Variants in TMEM182 observed in about 807,000 individuals in gnomAD.
TMEM182 encodes the protein transmembrane protein 182.
TMEM182 carries 20 observed loss-of-function variants against 26.8 expected under a neutral mutation model. The observed-to-expected ratio is 0.75, with a 90% CI of 0.53 to 1.09. The LOEUF (loss-of-function observed/expected upper bound fraction) is 1.09. TMEM182 is among the 50% of genes least tolerant of loss of function. TMEM182 has a pLI of 0.00. For synonymous variants in TMEM182, 109 were observed against 102.2 expected, an observed-to-expected ratio of 1.07 and a Z score of -0.40; for missense variants, 277 against 275.5, an observed-to-expected ratio of 1.01 and a Z score of -0.04.
intron 3 of TMEM182, among the ~76,000 whole-genome samples, chr2:102,781,569 A>G (rs1177509070): frequency 3.9e-5 from 6 of 152,134 alleles, no homozygotes; most frequent in Non-Finnish European, 8.8e-5. Flanking sequence ...ACTGAGCCCT[A>G]GGATGCTCCA....
intron 3 of TMEM182, among the ~76,000 whole-genome samples, chr2:102,792,041 TAC>T (rs34305726): frequency 0.44 from 64,326 of 146,898 alleles, 13,944 homozygotes; most frequent in African/African-American, 0.49. Flanking sequence ...TATGTGTGTA[TAC>T]ACACACACAC....
intron 3 of TMEM182, among the ~76,000 whole-genome samples, chr2:102,780,714 G>A (rs1271408236): frequency 6.6e-6 from 1 of 152,188 alleles, no homozygotes; most frequent in South Asian, 2.1e-4. Flanking sequence ...TAGACTTGTG[G>A]GTGTGGAGGG....
At chr2:102,834,753 A>T (rs1052096015) in intron 3 of TMEM182, among the ~76,000 whole-genome samples, 2 of 152,188 alleles carry the variant, frequency 1.3e-5, no homozygotes, top group Admixed American at 6.5e-5. Context: ...GCAGTCCAGC[A>T]TATAAGCAGG....
chr2:102,751,245 C>T (rs1228556146), intron 1 of TMEM182, among the ~76,000 whole-genome samples: 1 of 152,156 alleles, frequency 6.6e-6, no homozygotes, highest in Non-Finnish European at 1.5e-5. Flanking sequence ...ATTTTATAGA[C>T]AGGCTTGAGG....
downstream of TMEM182, among the ~76,000 whole-genome samples, chr2:102,818,138 C>G (rs550222021): frequency 1.3e-5 from 2 of 152,236 alleles, no homozygotes; most frequent in East Asian, 3.9e-4. Flanking sequence ...TGAGCTAAAT[C>G]AAAACCAGAT....
In TMEM182 at chr2:102,764,449, C is replaced by A. The variant is rs761863119; in HGVS notation, c.331+22C>A. 11 of 1,602,510 alleles carry A rather than the reference C, an allele frequency of 6.9e-6. No homozygotes were observed. In the Admixed American group the frequency reaches 1.2e-4, roughly 17 times the overall value. Reference sequence around the variant, plus strand: ...GTTAGTAAGTACCCTCTGTCCTCAGCCTACTTCTAAAAGGGTCTTATCTTT... The same window carrying A: ...GTTAGTAAGTACCCTCTGTCCTCAGACTACTTCTAAAAGGGTCTTATCTTT... On this transcript the variant is annotated intron_variant, in intron 3 of 4. Coordinates refer to ENST00000412401, the MANE Select transcript of TMEM182 (RefSeq NM_144632.5).
At chr2:102,745,445 C>G (rs1679666325) in intron 1 of TMEM182, among the ~76,000 whole-genome samples, 1 of 152,060 alleles carries the variant, frequency 6.6e-6, no homozygotes, top group Admixed American at 6.6e-5. Flanking sequence ...TCCTTTGTCT[C>G]TCAGACCCTT....
Position 102,764,347 on chromosome 2 carries a change from A to T in TMEM182, c.251A>T (p.Lys84Met). Residue 84 changes from lysine (K) to methionine (M), a missense_variant, in exon 3 of 5, where the codon AAG (lysine) becomes ATG (methionine). Coordinates refer to ENST00000412401, the MANE Select transcript of TMEM182 (RefSeq NM_144632.5). ...TTCCTAGCCAATCAGCCACCGTCCA[A>T]GAACTGCACACATGCTTACCTGTCT... ...KFWYTNQPPSKNCTHAYLSPY... is the reference protein window; with the variant it reads ...KFWYTNQPPSMNCTHAYLSPY... 1 of 1,613,868 alleles carries T rather than the reference A, an allele frequency of 6.2e-7. No individual in the cohort carries two copies. The highest frequency in any genetic ancestry group is 8.5e-7 in the Non-Finnish European group (1 of 1,179,834).
chr2:102,808,266 G>A (rs539349853), intron 4 of TMEM182, among the ~76,000 whole-genome samples: 14 of 152,256 alleles, frequency 9.2e-5, no homozygotes, highest in East Asian at 7.7e-4. Context: ...GTGGCTGAAC[G>A]ATGAAAGCTG....
At chr2:102,826,999 C>G (rs1315536444) in intron 3 of TMEM182, among the ~76,000 whole-genome samples, 1 of 152,194 alleles carries the variant, frequency 6.6e-6, no homozygotes, top group East Asian at 1.9e-4. Flanking sequence ...TAATGAAAAA[C>G]TGCTCCCCTG....
chr2:102,776,951 T>C (rs1056770338), intron 3 of TMEM182, among the ~76,000 whole-genome samples: 3 of 152,170 alleles, frequency 2.0e-5, no homozygotes, highest in Non-Finnish European at 4.4e-5. Flanking sequence ...TTTCTTCTTT[T>C]GTGAGGCTTC....
intron 3 of TMEM182, among the ~76,000 whole-genome samples, chr2:102,833,147 C>T (rs1683181968): frequency 6.6e-6 from 1 of 152,082 alleles, no homozygotes; most frequent in Non-Finnish European, 1.5e-5. Flanking sequence ...CTTTCTCAGG[C>T]AGGTGGGAGG....
At chr2:102,739,946 A>C (rs1434896292) in intron 1 of TMEM182, among the ~76,000 whole-genome samples, 3 of 152,106 alleles carry the variant, frequency 2.0e-5, no homozygotes, top group Non-Finnish European at 4.4e-5. Flanking sequence ...GCATTCATGA[A>C]ATTGTAATAG....
chr2:102,842,612 C>T (rs1242433455), intron 3 of TMEM182, among the ~76,000 whole-genome samples: 1 of 152,184 alleles, frequency 6.6e-6, no homozygotes, highest in Non-Finnish European at 1.5e-5. Flanking sequence ...CATCTCTGAC[C>T]TCAAGTTAGA....
At chr2:102,819,142 T>C (rs530202374), downstream of TMEM182, among the ~76,000 whole-genome samples, 2 of 152,306 alleles carry the variant, frequency 1.3e-5, no homozygotes, top group Admixed American at 6.5e-5. Context: ...TATATGACAA[T>C]TCATTTTTTC....
intron 3 of TMEM182, among the ~76,000 whole-genome samples, chr2:102,791,549 A>G (rs1042599430): frequency 5.9e-5 from 9 of 152,230 alleles, no homozygotes; most frequent in Non-Finnish European, 1.2e-4. Flanking sequence ...CACCTGCCCA[A>G]GGAGCTCTTC....
downstream of TMEM182, chr2:102,817,682 G>T: frequency 1.0e-6 from 1 of 983,896 alleles, no homozygotes; most frequent in Non-Finnish European, 1.2e-6. Flanking sequence ...TGGAGGAAGT[G>T]TCAGTGTTGG....
At chr2:102,806,982 T>G (rs970407042) in intron 4 of TMEM182, among the ~76,000 whole-genome samples, 5 of 152,214 alleles carry the variant, frequency 3.3e-5, no homozygotes, top group Non-Finnish European at 7.3e-5. Flanking sequence ...TGGCATTAGA[T>G]GAAATTCTCA....
intron 3 of TMEM182, among the ~76,000 whole-genome samples, chr2:102,778,502 A>ATTT (rs1157867802): frequency 1.3e-5 from 2 of 152,022 alleles, no homozygotes; most frequent in East Asian, 3.8e-4. Context: ...ATTTATATTT[A>ATTT]ACATTATTAG....
Sources: gnomAD v4.1 joint callset for allele counts (sites outside exome capture counted in the v4.1 genomes callset) on GRCh38, gnomAD v4.1.1 for gene constraint, MANE v1.5 for transcripts, NCBI Gene and HGNC (gene_info 2026-07-23, HGNC 2026-07-21) for gene names.